Variants in MYH10 observed in about 807,000 individuals in gnomAD.
MYH10 encodes the protein myosin-10.
In MYH10, 55 loss-of-function variants were observed where a neutral mutation model predicts 257.8. The ratio of observed to expected loss-of-function variants is 0.21; its 90% CI spans 0.17 to 0.27. The LOEUF (loss-of-function observed/expected upper bound fraction) is 0.27. MYH10 is among the 10% of genes least tolerant of loss of function. The probability of loss-of-function intolerance (pLI) is 1.00; values close to 1 mark genes in which losing one functional copy is unlikely to be tolerated. For missense variants in MYH10, 1,631 were observed against 2,500.6 expected, an observed-to-expected ratio of 0.65 and a Z score of 7.42; for synonymous variants, 854 against 921.7, an observed-to-expected ratio of 0.93 and a Z score of 1.33.
Position 8,475,911 on chromosome 17 carries a change from C to T in MYH10, c.5917G>A (p.Gly1973Ser). 1 of 1,614,134 alleles carries T rather than the reference C, an allele frequency of 6.2e-7. No homozygotes were observed. Among genetic ancestry groups the T allele is most frequent in the Non-Finnish European group, 8.5e-7 (1 of 1,180,040 alleles). The change falls in exon 43 of 43, where the codon GGC (glycine) becomes AGC (serine). Residue 1973 changes from glycine (G) to serine (S), a missense_variant. Physicochemically the swap from Gly to Ser is moderately conservative, Grantham distance 56. This residue lies in a region of MYH10 where 343 missense variants were observed against 389.5 expected (regional missense o/e 0.88). Transcript: ENST00000360416. ...CCTTCAAGGTGCAGCTGGCGCCGGC[C>T]AGATCGGCTGGAAGAGAAGCTGATG... ...GPISFSSSRS[G>S]RRQLHLEGAS... is the part of the protein sequence containing the mutation.
At chr17:8,615,859 C>A (rs1191505274) in intron 2 of MYH10, among the ~76,000 whole-genome samples, 1 of 152,194 alleles carries the variant, frequency 6.6e-6, no homozygotes, top group South Asian at 2.1e-4. Context: ...AAATATCATT[C>A]TTAATGATGA....
intron 42 of MYH10, among the ~76,000 whole-genome samples, 165 bp from the exon 43 acceptor site, chr17:8,476,113 T>A (rs560590791): frequency 3.3e-5 from 5 of 152,220 alleles, no homozygotes; most frequent in Non-Finnish European, 7.3e-5. Context: ...CGTGCTTTTC[T>A]GCCTCTCCCA....
At chr17:8,537,706 C>T (rs2151937773) in intron 14 of MYH10, among the ~76,000 whole-genome samples, 1 of 152,310 alleles carries the variant, frequency 6.6e-6, no homozygotes, top group East Asian at 1.9e-4. Context: ...TGAGAATTTT[C>T]CTAAATTCTG....
rs901543592 is a variant in MYH10 at position 8,487,288 on chromosome 17, C to T, written c.5046+145G>A. On this transcript the variant is annotated intron_variant, in intron 36 of 42. Transcript: ENST00000360416. ...ATCTCCTGTGGACACAGCGGACACA[C>T]AAGCACTCTCTTTATGGCCTGCTGC... 183 of 903,816 alleles carry T rather than the reference C, an allele frequency of 2.0e-4. 2 individuals carry two copies. The highest frequency in any genetic ancestry group is 1.1e-4 in the South Asian group (7 of 65,670). 56.0% of individuals were successfully genotyped at this position (903,816 alleles called of 1,614,324 possible).
chr17:8,489,962 A>T (rs990547676), intron 35 of MYH10, among the ~76,000 whole-genome samples: 8 of 152,204 alleles, frequency 5.3e-5, no homozygotes, highest in Admixed American at 3.9e-4. Flanking sequence ...TGATCTAATT[A>T]TTAGGACTTG....
intron 29 of MYH10, 52 bp from the exon 30 acceptor site, chr17:8,499,528 T>C (rs777506125): frequency 1.9e-6 from 3 of 1,556,032 alleles, no homozygotes; most frequent in African/African-American, 1.4e-5. Flanking sequence ...TAAAACTCCA[T>C]ACAGAGGACT....
At chr17:8,486,037 C>G (rs1914705740) in intron 36 of MYH10, among the ~76,000 whole-genome samples, 1 of 152,150 alleles carries the variant, frequency 6.6e-6, no homozygotes, top group African/African-American at 2.4e-5. Flanking sequence ...CATGGATGAA[C>G]TTTGAAAACA....
rs73248081 is a variant in MYH10, at chr17:8,545,348, C to T, written c.1431+100G>A. The T allele has an allele frequency of 8.3e-4, 1,087 of 1,315,428 alleles. 9 individuals are homozygous for T. The African/African-American group carries it at 0.015, about 18-fold the overall frequency. 81.5% of individuals were successfully genotyped at this position (1,315,428 alleles called of 1,614,324 possible). ...TCTACTAGAATGGCAGGGACTGTAT[C>T]CCTGGTGCCTCGTATGTACTGGGCA... On this transcript the variant is annotated intron_variant, in intron 13 of 42. Transcript: ENST00000360416. The surrounding 1 kb of genome is among the most constrained non-coding windows in gnomAD (Gnocchi z 4.7).
intron 9 of MYH10, among the ~76,000 whole-genome samples, chr17:8,549,511 A>G (rs1458681406): frequency 2.0e-5 from 3 of 152,236 alleles, no homozygotes; most frequent in Non-Finnish European, 4.4e-5. Context: ...ATTTATCGTT[A>G]TAACAGATAT....
rs557300594 is a variant in MYH10 at position 8,615,533 on chromosome 17, T to C, written c.345+7369A>G. Among the ~76,000 whole-genome samples, 16 of 152,310 alleles carry C rather than the reference T, an allele frequency of 1.1e-4. 1 individual carries two copies. The South Asian group carries it at 3.1e-3, about 30-fold the overall frequency. ...AGTTAATCTCACTGATGAATGAGGA[T>C]GCAAAAATCCTAAACAAAATACTAG... On this transcript the variant is annotated intron_variant, in intron 2 of 42. Transcript: ENST00000360416.
At chr17:8,494,183 CCG>C (rs2151824859) in intron 31 of MYH10, among the ~76,000 whole-genome samples, 1 of 152,282 alleles carries the variant, frequency 6.6e-6, no homozygotes, top group Non-Finnish European at 1.5e-5. Context: ...CCACCACACC[CCG>C]CCTCTCCTCA....
At chr17:8,563,064 A>T (rs1272087421) in intron 7 of MYH10, among the ~76,000 whole-genome samples, 1 of 152,200 alleles carries the variant, frequency 6.6e-6, no homozygotes, top group Non-Finnish European at 1.5e-5. Flanking sequence ...TTAATTTGGC[A>T]TCTAAAGTTA....
chr17:8,622,285 C>T (rs1471675401), intron 2 of MYH10, among the ~76,000 whole-genome samples: 1 of 152,134 alleles, frequency 6.6e-6, no homozygotes, highest in Non-Finnish European at 1.5e-5. Context: ...TTATCCCTCT[C>T]TACATTATCC....
rs1597872330 is a variant in MYH10 at position 8,576,519 on chromosome 17, T to C, written c.663+124A>G. 82 of 994,380 alleles carry C rather than the reference T, an allele frequency of 8.2e-5. No homozygotes were observed. In the South Asian group the frequency reaches 1.3e-3, roughly 16 times the overall value. The allele number at this position is 994,380 out of a possible 1,614,324, so 61.6% of individuals were successfully genotyped here. ...GGCTCTAAGCAATAAATTTTCAAAA[T>C]TAAAATTTTTTAATGACAGATTTCA... is the stretch of plus-strand genomic sequence containing the variant. On this transcript the variant is annotated intron_variant, in intron 6 of 42. Coordinates refer to ENST00000360416, the MANE Select transcript of MYH10 (RefSeq NM_001256012.3).
intron 2 of MYH10, among the ~76,000 whole-genome samples, chr17:8,621,559 T>C (rs2085468736): frequency 6.6e-6 from 1 of 152,312 alleles, no homozygotes; most frequent in African/African-American, 2.4e-5. Context: ...AGCTGGACTC[T>C]CAACGCCACT....
At chr17:8,498,835 G>A (rs531415796) in intron 30 of MYH10, among the ~76,000 whole-genome samples, 10 of 152,146 alleles carry the variant, frequency 6.6e-5, no homozygotes, top group East Asian at 5.8e-4. Context: ...GCAACAGAGC[G>A]AGACTCTGTC....
chr17:8,496,971 C>T lies in MYH10; in HGVS notation c.3952-1730G>A, dbSNP rs568918463. On this transcript the variant is annotated intron_variant, in intron 30 of 42. Transcript: ENST00000360416. ...AGCCCCTAATAAAAACCCTGGGGGCCGAGTCTGTAATGGGCTTCTTGGAAG... is the reference window on the plus strand; with the variant it reads ...AGCCCCTAATAAAAACCCTGGGGGCTGAGTCTGTAATGGGCTTCTTGGAAG... 1.6e-4 allele frequency among the ~76,000 whole-genome samples: 25 copies of T among 152,246 alleles called. No individual in the cohort carries two copies. In the South Asian group the frequency reaches 1.9e-3, roughly 11 times the overall value.
rs566861971 is a variant in MYH10, at chr17:8,545,668, C to T, written c.1279-68G>A. ...CAACAAAGCATAAATAGCTGTTTTA[C>T]GGAATTTAATGTTATACAGCACTCA... On this transcript the variant is annotated intron_variant, in intron 12 of 42. Transcript: ENST00000360416. This position sits in a 1 kb window ranked among gnomAD's most constrained non-coding sequence, Gnocchi z 4.7. 50 of 1,533,636 alleles carry T rather than the reference C, an allele frequency of 3.3e-5. No individual in the cohort carries two copies. The highest frequency in any genetic ancestry group is 2.0e-4 in the Admixed American group (10 of 50,386).
At chr17:8,550,344 C>A (rs1367247428) in intron 9 of MYH10, among the ~76,000 whole-genome samples, 2 of 152,094 alleles carry the variant, frequency 1.3e-5, no homozygotes, top group African/African-American at 4.8e-5. Context: ...CCCGCCGCCC[C>A]GTCTGGGATG....
Sources: gnomAD v4.1 joint callset for allele counts (sites outside exome capture counted in the v4.1 genomes callset) on GRCh38, gnomAD v4.1.1 for gene constraint, gnomAD v4.1.1 regional missense constraint, Gnocchi (gnomAD v3.1) non-coding constraint, MANE v1.5 for transcripts, NCBI Gene and HGNC (gene_info 2026-07-23, HGNC 2026-07-21) for gene names.